The following SLC35D4 variants were observed in gnomAD, a reference collection of about 807,000 sequenced individuals.
SLC35D4 encodes UDP-N-acetylglucosamine transporter SLC35D4.
At chr18:23,353,615 C>A in the SLC35D4 span, among the ~76,000 whole-genome samples, 1 of 152,150 alleles carries the variant, frequency 6.6e-6, no homozygotes, top group South Asian at 2.1e-4. Flanking sequence ...TGTATTTCAG[C>A]CTGTTTGGCC....
At chr18:23,312,854 G>A in the SLC35D4 span, among the ~76,000 whole-genome samples, 5 of 152,162 alleles carry the variant, frequency 3.3e-5, no homozygotes, top group Middle Eastern at 3.4e-3. Context: ...CCAACCGGGC[G>A]CGGTGGCTCA....
At chr18:23,283,169 G>T in the SLC35D4 span, among the ~76,000 whole-genome samples, 1 of 152,104 alleles carries the variant, frequency 6.6e-6, no homozygotes, top group African/African-American at 2.4e-5. Flanking sequence ...CGGGGCAAGT[G>T]CATAAAGTGA....
chr18:23,418,386 T>TTATTATTATTATTATTATTATTA, the SLC35D4 span, among the ~76,000 whole-genome samples: 1 of 113,686 alleles, frequency 8.8e-6, no homozygotes, highest in African/African-American at 3.2e-5. Flanking sequence ...TATTATTATT[T>TTATTATTATTATTATTATTATTA]TTTGAGACAG....
At chr18:23,255,420 C>T in the SLC35D4 span, among the ~76,000 whole-genome samples, 18 of 152,112 alleles carry the variant, frequency 1.2e-4, no homozygotes, top group East Asian at 5.8e-4. Context: ...TTTTTTAGGT[C>T]GGCGCTTTAC....
the SLC35D4 span, among the ~76,000 whole-genome samples, chr18:23,320,329 C>T: frequency 6.6e-6 from 1 of 152,114 alleles, no homozygotes; most frequent in Admixed American, 6.5e-5. Context: ...ATGTATTTTT[C>T]AGTTCTGTAA....
chr18:23,280,356 A>C, the SLC35D4 span, among the ~76,000 whole-genome samples: 1 of 152,218 alleles, frequency 6.6e-6, no homozygotes, highest in South Asian at 2.1e-4. Context: ...CTGGGTACTG[A>C]GGCTGAGGCC....
chr18:23,419,697 C>T, the SLC35D4 span, among the ~76,000 whole-genome samples: 1 of 152,050 alleles, frequency 6.6e-6, no homozygotes, highest in Middle Eastern at 3.4e-3. Flanking sequence ...GAGTAGAGGG[C>T]TACAAAGCAT....
chr18:23,335,397 G>C, the SLC35D4 span, among the ~76,000 whole-genome samples: 5 of 152,168 alleles, frequency 3.3e-5, no homozygotes, highest in African/African-American at 9.7e-5. Flanking sequence ...TCACTCTGCT[G>C]ACACAGGCCA....
the SLC35D4 span, among the ~76,000 whole-genome samples, chr18:23,327,617 A>G: frequency 6.6e-6 from 1 of 152,316 alleles, no homozygotes; most frequent in South Asian, 2.1e-4. Context: ...ATTCTACCAG[A>G]GGTACAAAGA....
chr18:23,247,504 C>G, the SLC35D4 span, among the ~76,000 whole-genome samples: 3 of 152,248 alleles, frequency 2.0e-5, no homozygotes, highest in Non-Finnish European at 2.9e-5. Context: ...TCCGCTGTGG[C>G]AGTTGTGTAT....
the SLC35D4 span, among the ~76,000 whole-genome samples, chr18:23,293,908 C>T: frequency 6.6e-6 from 1 of 152,196 alleles, no homozygotes; most frequent in East Asian, 1.9e-4. Context: ...CCTTCTGCCT[C>T]AGCCTCCTGA....
At chr18:23,331,286 G>C in the SLC35D4 span, 1 of 152,260 alleles carries the variant, frequency 6.6e-6, no homozygotes, top group Non-Finnish European at 1.5e-5. Context: ...CTGAAGATCT[G>C]TTAGAAACCC....
At chr18:23,244,800 T>C in the SLC35D4 span, among the ~76,000 whole-genome samples, 3 of 152,218 alleles carry the variant, frequency 2.0e-5, no homozygotes, top group Non-Finnish European at 4.4e-5. Flanking sequence ...GTCTTACAGC[T>C]AGCTCCTGGG....
At chr18:23,313,125 T>TAAA in the SLC35D4 span, among the ~76,000 whole-genome samples, 1 of 11,332 alleles carries the variant, frequency 8.8e-5, no homozygotes, top group Non-Finnish European at 2.4e-4. Flanking sequence ...AGACTACATC[T>TAAA]CAAAAAAAAA....
the SLC35D4 span, among the ~76,000 whole-genome samples, chr18:23,272,139 T>C: frequency 6.6e-6 from 1 of 152,206 alleles, no homozygotes; most frequent in Non-Finnish European, 1.5e-5. Flanking sequence ...TAAGGGGCAG[T>C]CTTGTGGGAC....
the SLC35D4 span, among the ~76,000 whole-genome samples, chr18:23,301,092 G>A: frequency 1.3e-5 from 2 of 152,196 alleles, no homozygotes; most frequent in Non-Finnish European, 1.5e-5. Flanking sequence ...ATGTAGATGG[G>A]AGAAGTCCCA....
At chr18:23,317,253 T>A in the SLC35D4 span, among the ~76,000 whole-genome samples, 1 of 152,180 alleles carries the variant, frequency 6.6e-6, no homozygotes, top group Non-Finnish European at 1.5e-5. Flanking sequence ...TTAGCATTTT[T>A]AAAAAGATCC....
At chr18:23,257,333 T>C in the SLC35D4 span, 9 of 1,613,554 alleles carry the variant, frequency 5.6e-6, no homozygotes, top group African/African-American at 1.3e-5. Context: ...CACGAAGTCA[T>C]GCCCCACTAC....
the SLC35D4 span, among the ~76,000 whole-genome samples, chr18:23,323,919 A>C: frequency 6.6e-6 from 1 of 151,908 alleles, no homozygotes; most frequent in Non-Finnish European, 1.5e-5. Flanking sequence ...TCTTTATTAA[A>C]CTACAAAAAT....
Sources: allele counts gnomAD v4.1 joint callset (sites outside exome capture counted in the v4.1 genomes callset), GRCh38; gene constraint gnomAD v4.1.1; transcripts MANE v1.5; gene names NCBI Gene and HGNC (gene_info 2026-07-23, HGNC 2026-07-21).